NKAIN2: variants seen among roughly 807,000 people sequenced by gnomAD.
NKAIN2 encodes the protein sodium/potassium transporting ATPase interacting 2, also known as sodium/potassium-transporting ATPase subunit beta-1-interacting protein 2.
In NKAIN2, 14 loss-of-function variants were observed where a neutral mutation model predicts 32.6. The ratio of observed to expected loss-of-function variants is 0.43; its 90% confidence interval spans 0.28 to 0.67. The LOEUF is 0.67. Ranked by LOEUF, NKAIN2 falls within the 30% of genes least tolerant of loss-of-function variation. The pLI is 0.17. For synonymous variants in NKAIN2, 80 were observed against 87.2 expected, an observed-to-expected ratio of 0.92 and a Z score of 0.46; for missense variants, 198 against 258.3, an observed-to-expected ratio of 0.77 and a Z score of 1.60.
At chr6:124,526,570 T>G (rs1463344727) in intron 3 of NKAIN2, among the ~76,000 whole-genome samples, 2 of 152,058 alleles carry the variant, frequency 1.3e-5, no homozygotes, top group Admixed American at 1.3e-4. Flanking sequence ...TAATAGAACT[T>G]AATCATGGGT....
intron 3 of NKAIN2, among the ~76,000 whole-genome samples, chr6:124,447,322 T>A (rs1372546379): frequency 6.6e-6 from 1 of 152,156 alleles, no homozygotes; most frequent in East Asian, 1.9e-4. Flanking sequence ...CAGTAGCCAC[T>A]AAATAATATT....
Position 124,171,498 on chromosome 6 carries a change from T to C in NKAIN2, c.55-111507T>C, listed in dbSNP as rs1352752695. ...ATTAGAAAACCAAGATTTTGTGATA[T>C]TACTAATCATAAAACAATGTTAAGT... On this transcript the variant is annotated intron_variant, in intron 1 of 6. Coordinates refer to ENST00000368417, the MANE Select transcript of NKAIN2 (RefSeq NM_001040214.3). Among the ~76,000 whole-genome samples the C allele has an allele frequency of 3.3e-5, 5 of 151,838 alleles. No homozygotes were observed. The East Asian group carries it at 9.7e-4, about 29-fold the overall frequency.
intron 2 of NKAIN2, among the ~76,000 whole-genome samples, chr6:124,352,265 T>C (rs1429456443): frequency 6.6e-6 from 1 of 152,218 alleles, no homozygotes. Flanking sequence ...AAAACATAAA[T>C]GTTTCAACTT....
intron 4 of NKAIN2, among the ~76,000 whole-genome samples, chr6:124,772,332 T>A (rs1056831725): frequency 2.0e-5 from 3 of 152,248 alleles, no homozygotes; most frequent in Admixed American, 1.3e-4. Context: ...GAATAGTCAA[T>A]GGTGCCATTC....
At chr6:124,574,623 TA>T (rs1310295152) in intron 3 of NKAIN2, among the ~76,000 whole-genome samples, 1 of 151,648 alleles carries the variant, frequency 6.6e-6, no homozygotes, top group Non-Finnish European at 1.5e-5. Flanking sequence ...TGTCTCAAAA[TA>T]AAAAACAAAA....
At chr6:124,773,336 G>C (rs1473426056) in intron 4 of NKAIN2, among the ~76,000 whole-genome samples, 1 of 152,066 alleles carries the variant, frequency 6.6e-6, no homozygotes, top group Non-Finnish European at 1.5e-5. Flanking sequence ...GCGAGTGGTG[G>C]GGGGGTCACT....
At chr6:124,662,665 C>A (rs559021202) in intron 4 of NKAIN2, among the ~76,000 whole-genome samples, 8 of 151,998 alleles carry the variant, frequency 5.3e-5, no homozygotes, top group African/African-American at 1.7e-4. Flanking sequence ...CTGAGGATAC[C>A]GTTAGTGAAG....
At chr6:124,167,380 C>T (rs1788606063) in intron 1 of NKAIN2, among the ~76,000 whole-genome samples, 2 of 152,014 alleles carry the variant, frequency 1.3e-5, no homozygotes, top group Non-Finnish European at 2.9e-5. Flanking sequence ...TATCCTGAGA[C>T]ATTGCTGAAG....
At chr6:124,787,800 C>G (rs897704811) in intron 4 of NKAIN2, among the ~76,000 whole-genome samples, 1 of 152,104 alleles carries the variant, frequency 6.6e-6, no homozygotes, top group African/African-American at 2.4e-5. Flanking sequence ...TGGCCCTAAT[C>G]TGGTCTTCAC....
chr6:124,059,104 A>AG (rs1469474001), intron 1 of NKAIN2, among the ~76,000 whole-genome samples: 3 of 152,070 alleles, frequency 2.0e-5, no homozygotes, highest in Non-Finnish European at 4.4e-5. Flanking sequence ...TAAAAAAAAA[A>AG]CTGACAAAGA....
chr6:124,320,274 A>G (rs1797120032), intron 2 of NKAIN2, among the ~76,000 whole-genome samples: 1 of 152,180 alleles, frequency 6.6e-6, no homozygotes, highest in Non-Finnish European at 1.5e-5. Context: ...AATGGCATCC[A>G]TCTCTAATGT....
chr6:124,492,956 G>A (rs1348501849), intron 3 of NKAIN2, among the ~76,000 whole-genome samples: 1 of 151,870 alleles, frequency 6.6e-6, no homozygotes, highest in African/African-American at 2.4e-5. Context: ...CTGGGTCTGT[G>A]CACTAGTTAG....
At chr6:124,030,283 A>C (rs1468762101) in intron 1 of NKAIN2, among the ~76,000 whole-genome samples, 3 of 152,086 alleles carry the variant, frequency 2.0e-5, no homozygotes, top group Non-Finnish European at 2.9e-5. Flanking sequence ...TCCCAAAACC[A>C]TCCTCACACC....
chr6:124,000,180 A>G (rs1300602610), intron 1 of NKAIN2, among the ~76,000 whole-genome samples: 2 of 152,224 alleles, frequency 1.3e-5, no homozygotes, highest in East Asian at 3.9e-4. Flanking sequence ...TGGTAACGAT[A>G]TAATAACAAG....
intron 3 of NKAIN2, among the ~76,000 whole-genome samples, chr6:124,603,358 G>A (rs1782378019): frequency 6.6e-6 from 1 of 151,734 alleles, no homozygotes; most frequent in East Asian, 1.9e-4. Context: ...TTGATATTCA[G>A]CTTTGATACT....
At chr6:124,337,907 T>C (rs1383524902) in intron 2 of NKAIN2, among the ~76,000 whole-genome samples, 1 of 152,198 alleles carries the variant, frequency 6.6e-6, no homozygotes, top group Non-Finnish European at 1.5e-5. Flanking sequence ...CTAGAGTCCT[T>C]GGGTTAGTCA....
intron 3 of NKAIN2, among the ~76,000 whole-genome samples, chr6:124,453,373 C>A (rs1776194371): frequency 1.2e-5 from 1 of 85,296 alleles, no homozygotes; most frequent in East Asian, 3.4e-4. Flanking sequence ...ACACACAGTT[C>A]TGAGGTCAAT....
chr6:124,262,974 GA>G (rs1794319806), intron 1 of NKAIN2, among the ~76,000 whole-genome samples: 2 of 152,114 alleles, frequency 1.3e-5, no homozygotes, highest in South Asian at 4.1e-4. Context: ...CTCTTTAAGG[GA>G]TATTACAAGT....
chr6:123,963,731 C>A (rs1421808869), intron 1 of NKAIN2, among the ~76,000 whole-genome samples: 1 of 152,136 alleles, frequency 6.6e-6, no homozygotes, highest in Non-Finnish European at 1.5e-5. Flanking sequence ...AGTTCAAATA[C>A]TATCTTTCCA....
Sources: gnomAD v4.1 joint callset for allele counts (sites outside exome capture counted in the v4.1 genomes callset) on GRCh38, gnomAD v4.1.1 for gene constraint, MANE v1.5 for transcripts, NCBI Gene and HGNC (gene_info 2026-07-23, HGNC 2026-07-21) for gene names.